Variants in ALOX5 observed in about 807,000 individuals in gnomAD.
The protein encoded by ALOX5 is arachidonate 5-lipoxygenase.
In ALOX5, 64 loss-of-function variants were observed where a neutral mutation model predicts 87.9. That is an observed-to-expected ratio of 0.73 (90% CI 0.60 to 0.90). The LOEUF (loss-of-function observed/expected upper bound fraction) is 0.90. ALOX5 is among the 40% of genes least tolerant of loss of function. The pLI is 0.00. For missense variants in ALOX5, 822 were observed against 907.5 expected, an observed-to-expected ratio of 0.91 and a Z score of 1.21; for synonymous variants, 388 against 355.1, an observed-to-expected ratio of 1.09 and a Z score of -1.04.
At chr10:45,379,454 G>A (rs1280339703) in intron 1 of ALOX5, among the ~76,000 whole-genome samples, 1 of 152,192 alleles carries the variant, frequency 6.6e-6, no homozygotes, top group Admixed American at 6.5e-5. Flanking sequence ...TGTCCTCACA[G>A]CCCTGTCTCC....
intron 4 of ALOX5, among the ~76,000 whole-genome samples, chr10:45,419,097 T>G (rs926669429): frequency 2.0e-5 from 3 of 152,212 alleles, no homozygotes; most frequent in African/African-American, 4.8e-5. Context: ...AACGCCAGTC[T>G]GTGCCGCAGT....
At chr10:45,417,935 C>T (rs1841354946) in intron 4 of ALOX5, among the ~76,000 whole-genome samples, 1 of 152,176 alleles carries the variant, frequency 6.6e-6, no homozygotes, top group Non-Finnish European at 1.5e-5. Context: ...CTCCCCTGTA[C>T]TCCCCAGTGC....
intron 3 of ALOX5, among the ~76,000 whole-genome samples, chr10:45,406,793 T>C (rs1283244157): frequency 6.6e-6 from 1 of 152,258 alleles, no homozygotes; most frequent in Non-Finnish European, 1.5e-5. Flanking sequence ...TGTGCTCATA[T>C]TATCTAAATG....
intron 4 of ALOX5, among the ~76,000 whole-genome samples, chr10:45,414,523 C>T (rs959894401): frequency 8.5e-5 from 13 of 152,168 alleles, no homozygotes; most frequent in Admixed American, 8.5e-4. Flanking sequence ...AGGACATAGG[C>T]ATGGGCAAGG....
chr10:45,440,865 C>A (rs1842213891), intron 8 of ALOX5, among the ~76,000 whole-genome samples: 1 of 152,228 alleles, frequency 6.6e-6, no homozygotes, highest in Non-Finnish European at 1.5e-5. Flanking sequence ...GCCTCGCTGG[C>A]CAGCCAGTAG....
intron 2 of ALOX5, among the ~76,000 whole-genome samples, chr10:45,384,174 T>G (rs553927150): frequency 1.5e-4 from 23 of 152,284 alleles, no homozygotes; most frequent in Non-Finnish European, 2.8e-4. Context: ...GACAGCACCC[T>G]TGGAGGAGCT....
intron 4 of ALOX5, among the ~76,000 whole-genome samples, chr10:45,416,205 T>C (rs1841285617): frequency 6.6e-6 from 1 of 151,922 alleles, no homozygotes; most frequent in Admixed American, 6.6e-5. Context: ...TAAATAATAT[T>C]ATTGACCATT....
intron 1 of ALOX5, among the ~76,000 whole-genome samples, chr10:45,376,762 T>A (rs12783095): frequency 0.17 from 25,418 of 152,026 alleles, 2,200 homozygotes; most frequent in South Asian, 0.19. Context: ...ATAAAGTGAG[T>A]CACAGGTCCC....
chr10:45,385,485 C>T (rs1227077531), intron 2 of ALOX5, among the ~76,000 whole-genome samples: 4 of 152,302 alleles, frequency 2.6e-5, no homozygotes, highest in East Asian at 3.9e-4. Flanking sequence ...CAAACACCTT[C>T]GGGACCAGGG....
At position 45,426,774 on chromosome 10, in the gene ALOX5, C is replaced by A. The variant is rs530770921; in HGVS notation, c.834+1642C>A. Among the ~76,000 whole-genome samples the A allele has an allele frequency of 5.9e-5, 9 of 152,316 alleles. No homozygotes were observed. In the East Asian group the frequency reaches 1.7e-3, roughly 29 times the overall value. On this transcript the variant is annotated intron_variant, in intron 6 of 13. Coordinates refer to ENST00000374391, the MANE Select transcript of ALOX5 (RefSeq NM_000698.5). ...ATCATCCCCTGCACTGTCTCTCTCTCGCTCCATGTCTCAATCCTCTGCCTC... is the reference window on the plus strand; with the variant it reads ...ATCATCCCCTGCACTGTCTCTCTCTAGCTCCATGTCTCAATCCTCTGCCTC...
At chr10:45,424,635 A>G (rs1307642578) in intron 5 of ALOX5, among the ~76,000 whole-genome samples, 1 of 152,228 alleles carries the variant, frequency 6.6e-6, no homozygotes, top group Non-Finnish European at 1.5e-5. Flanking sequence ...AAATCAGGAC[A>G]TGGGGAACCA....
chr10:45,393,574 A>T lies in ALOX5; in HGVS notation c.350-2281A>T, dbSNP rs987023145. Among the ~76,000 whole-genome samples, 13 of 152,352 alleles carry T rather than the reference A, an allele frequency of 8.5e-5. 2 individuals carry two copies. The highest frequency in any genetic ancestry group is 2.6e-4 in the Admixed American group (4 of 15,304). On this transcript the variant is annotated intron_variant, in intron 2 of 13. Coordinates refer to ENST00000374391, the MANE Select transcript of ALOX5 (RefSeq NM_000698.5). ...AGGGATGCCCTCTCTCACCACTCCT[A>T]TTCAACATAGTGTTGGAAGTTCTGG...
In ALOX5 at chr10:45,394,705, A is replaced by C. The variant is rs1484651061; in HGVS notation, c.350-1150A>C. 2.0e-5 allele frequency among the ~76,000 whole-genome samples: 3 copies of C among 152,348 alleles called. No homozygotes were observed. In the East Asian group the frequency reaches 5.8e-4, roughly 29 times the overall value. On this transcript the variant is annotated intron_variant, in intron 2 of 13. Transcript: ENST00000374391. ...GGGAAAAAAATTTTGCAATCTACTC[A>C]TCTGACAAAGGGCTAATATCCAGAA... is the stretch of plus-strand genomic sequence containing the variant.
intron 7 of ALOX5, among the ~76,000 whole-genome samples, chr10:45,439,084 T>C (rs1446043487): frequency 2.0e-5 from 3 of 152,132 alleles, no homozygotes. Flanking sequence ...CATTTAATAG[T>C]TTTAGATTGG....
At chr10:45,417,845 C>T (rs1435201231) in intron 4 of ALOX5, among the ~76,000 whole-genome samples, 1 of 152,144 alleles carries the variant, frequency 6.6e-6, no homozygotes, top group Non-Finnish European at 1.5e-5. Flanking sequence ...CACCCACCCT[C>T]CCCACTTCTT....
rs1404667959 is a variant in ALOX5 at position 45,382,676 on chromosome 10, G to A, written c.344G>A (p.Gly115Glu). The change falls in exon 2 of 14, where the codon GGA becomes GAA. Residue 115 changes from glycine to glutamate, a missense_variant. By Grantham distance (98) the Gly-to-Glu change is moderately conservative. Transcript: ENST00000374391. ...GATGTCGAGGTTGTCCTGAGGGATGGACGCGGTGAGCAGCTCAGGCCCCTT... is the reference window on the plus strand; with the variant it reads ...GATGTCGAGGTTGTCCTGAGGGATGAACGCGGTGAGCAGCTCAGGCCCCTT... Reference protein sequence around the residue: ...TGDVEVVLRDGRAKLARDDQI... With the variant: ...TGDVEVVLRDERAKLARDDQI... 16 of 1,612,060 alleles carry A rather than the reference G, an allele frequency of 9.9e-6. No homozygotes were observed. Among genetic ancestry groups the A allele is most frequent in the Non-Finnish European group, 1.4e-5 (16 of 1,179,142 alleles).
At position 45,442,910 on chromosome 10, in the gene ALOX5, TCA is replaced by T. The variant is rs1440985327; in HGVS notation, c.1273-125_1273-124del. ...CTGCGTTAAACATCCCTCCCCCATC[TCA>T]CAGGACAAGGGCTTGCACCTCTGCC... On this transcript the variant is annotated intron_variant, in intron 9 of 13. Coordinates refer to ENST00000374391, the MANE Select transcript of ALOX5 (RefSeq NM_000698.5). The T allele has an allele frequency of 3.0e-6, 3 of 991,054 alleles. No individual in the cohort carries two copies. The African/African-American group carries it at 4.9e-5, about 16-fold the overall frequency. The allele number at this position is 991,054 out of a possible 1,614,324, so 61.4% of individuals were successfully genotyped here.
chr10:45,377,860 CTT>C lies in ALOX5; in HGVS notation c.150+3433_150+3434del, dbSNP rs1305824441. Among the ~76,000 whole-genome samples the C allele has an allele frequency of 4.6e-5, 7 of 152,348 alleles. No individual in the cohort carries two copies. The South Asian group carries it at 8.3e-4, about 18-fold the overall frequency. On this transcript the variant is annotated intron_variant, in intron 1 of 13. Transcript: ENST00000374391. ...TCACATGAAAACTGACCAACTGACT[CTT>C]TGCCGAAATATTCAAAAGCTTTAAA...
At chr10:45,426,609 A>G (rs911797360) in intron 6 of ALOX5, among the ~76,000 whole-genome samples, 4 of 152,234 alleles carry the variant, frequency 2.6e-5, no homozygotes, top group Non-Finnish European at 5.9e-5. Context: ...GTTCCAGCTC[A>G]AGTTTGAGTT....
Sources: gnomAD v4.1 joint callset for allele counts (sites outside exome capture counted in the v4.1 genomes callset) on GRCh38, gnomAD v4.1.1 for gene constraint, MANE v1.5 for transcripts, NCBI Gene and HGNC (gene_info 2026-07-23, HGNC 2026-07-21) for gene names.